Variants in USP7 observed in about 807,000 individuals in gnomAD.
USP7 encodes ubiquitin C-terminal hydrolase 7.
In USP7, 9 loss-of-function variants were observed where a neutral mutation model predicts 162.9. The observed-to-expected ratio is 0.06, with a 90% CI of 0.03 to 0.10. The LOEUF (loss-of-function observed/expected upper bound fraction) is 0.10. USP7 is among the 10% of genes least tolerant of loss of function. The probability of loss-of-function intolerance (pLI) is 1.00; values close to 1 mark genes in which losing one functional copy is unlikely to be tolerated. For synonymous variants in USP7, 562 were observed against 475.9 expected (o/e 1.18, Z -2.35); for missense variants, 715 against 1,373.7 (o/e 0.52, Z 7.58).
intron 3 of USP7, among the ~76,000 whole-genome samples, chr16:8,922,567 ACT>A (rs1357543289): frequency 1.3e-5 from 2 of 152,176 alleles, no homozygotes; most frequent in African/African-American, 4.8e-5. Context: ...CCAAAGGGCC[ACT>A]CTGTGGCGTG....
chr16:8,931,301 G>A (rs567267949), intron 1 of USP7, among the ~76,000 whole-genome samples: 1 of 151,408 alleles, frequency 6.6e-6, no homozygotes, highest in African/African-American at 2.4e-5. Context: ...CTATTCTCCT[G>A]CCTCAGCCTC....
At chr16:8,917,669 G>C (rs1268979477) in intron 6 of USP7, among the ~76,000 whole-genome samples, 1 of 152,118 alleles carries the variant, frequency 6.6e-6, no homozygotes, top group Non-Finnish European at 1.5e-5. Context: ...GAGAGCTACC[G>C]CACCCAGCCT....
chr16:8,897,726 A>AAAAAATATATATATATAT (rs1555461671), intron 25 of USP7, among the ~76,000 whole-genome samples: 1 of 7,138 alleles, frequency 1.4e-4, no homozygotes, highest in African/African-American at 5.6e-4. Flanking sequence ...AAAAAAAAAA[A>AAAAAATATATATATATAT]ATATATATAT....
At chr16:8,956,780 A>AC (rs976188236) in intron 1 of USP7, among the ~76,000 whole-genome samples, 88 of 149,234 alleles carry the variant, frequency 5.9e-4, no homozygotes, top group East Asian at 2.8e-3. Flanking sequence ...CAAAAACAAA[A>AC]AAAAAAAAAC....
chr16:8,954,857 G>C (rs986930479), intron 1 of USP7, among the ~76,000 whole-genome samples: 1 of 152,192 alleles, frequency 6.6e-6, no homozygotes, highest in African/African-American at 2.4e-5. Context: ...CTACTCAGGA[G>C]GCTGAGGCGG....
intron 1 of USP7, among the ~76,000 whole-genome samples, chr16:8,961,615 T>C (rs1900018658): frequency 6.6e-6 from 1 of 151,490 alleles, no homozygotes; most frequent in Non-Finnish European, 1.5e-5. Flanking sequence ...TTCTCACTAG[T>C]GTCCAAAAAC....
chr16:8,930,401 T>A lies in USP7; in HGVS notation c.80-4A>T, dbSNP rs1313782808. ...GGTGGGTCATCTGTATCTCCCGCTT[T>A]AAAGAAGAAAAAGAAATTCCACGGG... On this transcript the variant is annotated splice_polypyrimidine_tract_variant and splice_region_variant and intron_variant, in intron 1 of 30. Transcript: ENST00000344836. The A allele has an allele frequency of 6.3e-7, 1 of 1,598,554 alleles. No homozygotes were observed. The highest frequency in any genetic ancestry group is 8.5e-7 in the Non-Finnish European group (1 of 1,173,218).
intron 1 of USP7, among the ~76,000 whole-genome samples, chr16:8,956,772 A>AAC (rs1567250081): frequency 7.5e-5 from 10 of 133,366 alleles, no homozygotes; most frequent in South Asian, 2.5e-4. Context: ...TAAAAAAACA[A>AAC]AAACAAAAAA....
At chr16:8,960,409 G>A (rs1237752774) in intron 1 of USP7, among the ~76,000 whole-genome samples, 1 of 152,168 alleles carries the variant, frequency 6.6e-6, no homozygotes, top group Non-Finnish European at 1.5e-5. Flanking sequence ...CAAGGACTGT[G>A]CAGAGTTCAC....
intron 1 of USP7, among the ~76,000 whole-genome samples, chr16:8,943,613 A>T (rs571106699): frequency 4.8e-4 from 73 of 152,264 alleles, no homozygotes; most frequent in African/African-American, 1.7e-3. Flanking sequence ...CTGCTGGATT[A>T]ACGGTGAAAA....
intron 1 of USP7, chr16:8,962,952 G>A (rs1900078035): frequency 2.4e-5 from 5 of 209,434 alleles, no homozygotes; most frequent in South Asian, 3.7e-4. Context: ...AACTCAGGGC[G>A]CTTTGTGCCG....
At chr16:8,935,772 C>T (rs1196212226) in intron 1 of USP7, 1 of 152,180 alleles carries the variant, frequency 6.6e-6, no homozygotes, top group African/African-American at 2.4e-5. Flanking sequence ...AGTAGGCTCC[C>T]TGGCTAGTTC....
chr16:8,943,006 T>G lies in USP7; in HGVS notation c.80-12609A>C, dbSNP rs560045412. Among the ~76,000 whole-genome samples the G allele has an allele frequency of 2.0e-5, 3 of 152,194 alleles. No homozygotes were observed. In the East Asian group the frequency reaches 5.8e-4, roughly 29 times the overall value. The stretch of plus-strand genomic sequence containing the variant: ...CGGGCCCTGAGGTCAGCCGACCACC[T>G]GGCTTTAAGGCAGTGGAGCCTGAGT... On this transcript the variant is annotated intron_variant, in intron 1 of 30. Coordinates refer to ENST00000344836, the MANE Select transcript of USP7 (RefSeq NM_003470.3).
intron 1 of USP7, among the ~76,000 whole-genome samples, chr16:8,937,905 G>C (rs1369947269): frequency 6.6e-6 from 1 of 152,114 alleles, no homozygotes; most frequent in African/African-American, 2.4e-5. Context: ...GAGCAAGAGG[G>C]GGAGAGAAAA....
intron 12 of USP7, among the ~76,000 whole-genome samples, chr16:8,907,078 A>T (rs1338877996): frequency 6.6e-6 from 1 of 152,220 alleles, no homozygotes; most frequent in Non-Finnish European, 1.5e-5. Flanking sequence ...GGCTGGTCTC[A>T]AGCACAGCAT....
Position 8,893,732 on chromosome 16 carries a change from T to G in USP7, c.*266A>C. 1 of 399,928 alleles carries G rather than the reference T, an allele frequency of 2.5e-6. No individual in the cohort carries two copies. Among genetic ancestry groups the G allele is most frequent in the Non-Finnish European group, 4.7e-6 (1 of 211,780 alleles). The allele number at this position is 399,928 out of a possible 1,614,324, so 24.8% of individuals were successfully genotyped here. A position where few individuals can be genotyped will look rare whatever the true frequency, so the allele number is the denominator to read the frequency against. On this transcript the variant is annotated 3_prime_UTR_variant, in exon 31 of 31. Coordinates refer to ENST00000344836, the MANE Select transcript of USP7 (RefSeq NM_003470.3). The stretch of plus-strand genomic sequence containing the variant: ...CGATCCACTAACCTCTTCTCCCCCA[T>G]TGCGCTGACAGTTGCCTTGCACTGT...
intron 15 of USP7, 142 bp downstream of exon 15, chr16:8,904,293 C>A (rs1000468714): frequency 9.1e-6 from 13 of 1,434,924 alleles, no homozygotes; most frequent in Non-Finnish European, 1.1e-5. Flanking sequence ...TGGGGACTGA[C>A]CTGCACTTGC....
intron 1 of USP7, among the ~76,000 whole-genome samples, chr16:8,947,420 C>A (rs1483904669): frequency 6.6e-6 from 1 of 152,076 alleles, no homozygotes; most frequent in Non-Finnish European, 1.5e-5. Context: ...GCCATCTCGG[C>A]TCACTGCAAC....
chr16:8,944,408 T>C (rs1388415162), intron 1 of USP7, among the ~76,000 whole-genome samples: 1 of 152,168 alleles, frequency 6.6e-6, no homozygotes, highest in East Asian at 1.9e-4. Context: ...GGCAACTAAG[T>C]AGCAGCTTCC....
Sources: allele counts gnomAD v4.1 joint callset (sites outside exome capture counted in the v4.1 genomes callset), GRCh38; gene constraint gnomAD v4.1.1; transcripts MANE v1.5; gene names NCBI Gene and HGNC (gene_info 2026-07-23, HGNC 2026-07-21).